GUCY1A2: variants seen among roughly 807,000 people sequenced by gnomAD.
GUCY1A2 encodes the protein guanylate cyclase 1 soluble subunit alpha 2.
GUCY1A2 carries 27 observed loss-of-function variants against 63.5 expected under a neutral mutation model. That is an observed-to-expected ratio of 0.43 (90% CI 0.31 to 0.59). GUCY1A2 has a LOEUF of 0.59. Among genes scored for constraint, GUCY1A2 ranks in the 20% least tolerant of loss-of-function variants. The pLI, the probability that GUCY1A2 is intolerant of heterozygous loss-of-function variation, is 0.11. For synonymous variants in GUCY1A2, 364 were observed against 343.5 expected, an observed-to-expected ratio of 1.06 and a Z score of -0.66; for missense variants, 768 against 913.3, an observed-to-expected ratio of 0.84 and a Z score of 2.05.
intron 4 of GUCY1A2, among the ~76,000 whole-genome samples, chr11:106,864,911 C>G (rs1859570025): frequency 6.6e-6 from 1 of 152,014 alleles, no homozygotes; most frequent in South Asian, 2.1e-4. Context: ...GTTTTGGTAT[C>G]AGGATGATGC....
At chr11:106,871,670 C>A (rs1859679809) in intron 4 of GUCY1A2, among the ~76,000 whole-genome samples, 1 of 152,094 alleles carries the variant, frequency 6.6e-6, no homozygotes, top group African/African-American at 2.4e-5. Flanking sequence ...CAAATAAAGT[C>A]ACATTCACAT....
chr11:106,882,862 T>C (rs1339527512), intron 4 of GUCY1A2, among the ~76,000 whole-genome samples: 1 of 152,050 alleles, frequency 6.6e-6, no homozygotes, highest in Non-Finnish European at 1.5e-5. Flanking sequence ...GATATTAAGA[T>C]TTTATCAGTT....
chr11:106,832,931 G>A (rs1859070333), intron 4 of GUCY1A2, among the ~76,000 whole-genome samples: 1 of 152,024 alleles, frequency 6.6e-6, no homozygotes, highest in Non-Finnish European at 1.5e-5. Context: ...GTCTATATTA[G>A]TTTGCTAGGG....
At chr11:106,784,550 G>A (rs1864523966) in intron 5 of GUCY1A2, among the ~76,000 whole-genome samples, 1 of 152,114 alleles carries the variant, frequency 6.6e-6, no homozygotes, top group South Asian at 2.1e-4. Flanking sequence ...CAAAGAAGCA[G>A]CCTCTACCTC....
At chr11:106,990,360 T>C (rs1376391598) in intron 1 of GUCY1A2, among the ~76,000 whole-genome samples, 1 of 152,240 alleles carries the variant, frequency 6.6e-6, no homozygotes, top group African/African-American at 2.4e-5. Flanking sequence ...GACTAAATGT[T>C]ATGCTCAAGA....
chr11:106,925,894 A>G (rs1860514989), intron 4 of GUCY1A2, among the ~76,000 whole-genome samples: 1 of 152,222 alleles, frequency 6.6e-6, no homozygotes, highest in Non-Finnish European at 1.5e-5. Context: ...AATAAAATAA[A>G]TGTAGAATTT....
chr11:106,950,973 T>G (rs938051839), intron 3 of GUCY1A2, among the ~76,000 whole-genome samples: 1 of 152,170 alleles, frequency 6.6e-6, no homozygotes, highest in African/African-American at 2.4e-5. Context: ...CTCCCACTTA[T>G]GAGTGAGAAC....
intron 4 of GUCY1A2, among the ~76,000 whole-genome samples, chr11:106,853,117 G>T (rs1472885070): frequency 6.6e-6 from 1 of 152,132 alleles, no homozygotes; most frequent in Non-Finnish European, 1.5e-5. Context: ...CACCAGAAAA[G>T]ATCTTTTTAG....
chr11:106,839,274 T>C (rs530256888), intron 4 of GUCY1A2, among the ~76,000 whole-genome samples: 1 of 151,942 alleles, frequency 6.6e-6, no homozygotes, highest in Admixed American at 6.6e-5. Flanking sequence ...TTGTCAAAGA[T>C]CAGATAGTTG....
intron 5 of GUCY1A2, 71 bp from the exon 6 acceptor site, chr11:106,776,653 A>C (rs1864362325): frequency 7.1e-7 from 1 of 1,400,482 alleles, no homozygotes; most frequent in East Asian, 2.3e-5. Flanking sequence ...AGTTATCTGC[A>C]ATCACAAATG....
chr11:106,895,068 G>C (rs1860027843), intron 4 of GUCY1A2, among the ~76,000 whole-genome samples: 1 of 152,048 alleles, frequency 6.6e-6, no homozygotes, highest in African/African-American at 2.4e-5. Context: ...TAAACAAGGA[G>C]ACATCACTAT....
intron 6 of GUCY1A2, among the ~76,000 whole-genome samples, chr11:106,764,868 A>G (rs768991286): frequency 6.7e-6 from 1 of 150,368 alleles, no homozygotes; most frequent in Non-Finnish European, 1.5e-5. Context: ...TAGTTCTGCA[A>G]TTGGCTAGCT....
At chr11:106,869,949 C>T (rs557938648) in intron 4 of GUCY1A2, among the ~76,000 whole-genome samples, 17 of 152,150 alleles carry the variant, frequency 1.1e-4, no homozygotes, top group Non-Finnish European at 2.2e-4. Context: ...AGTTCATGTC[C>T]TTTGTAGGGA....
At chr11:106,736,395 C>T (rs1275437571) in intron 6 of GUCY1A2, among the ~76,000 whole-genome samples, 2 of 152,142 alleles carry the variant, frequency 1.3e-5, no homozygotes, top group African/African-American at 2.4e-5. Flanking sequence ...ACGATCCTTT[C>T]CTCAATGCAT....
chr11:106,923,925 A>C (rs1230258451), intron 4 of GUCY1A2, among the ~76,000 whole-genome samples: 5 of 152,176 alleles, frequency 3.3e-5, no homozygotes, highest in Non-Finnish European at 7.3e-5. Flanking sequence ...ATAAAACTAA[A>C]ATGACAAAGA....
intron 4 of GUCY1A2, among the ~76,000 whole-genome samples, chr11:106,838,153 C>T (rs956713232): frequency 1.3e-5 from 2 of 152,040 alleles, no homozygotes; most frequent in East Asian, 3.9e-4. Context: ...GTAGAAATAA[C>T]CTCACTTGTC....
At chr11:106,778,906 A>G (rs1190329949) in intron 5 of GUCY1A2, among the ~76,000 whole-genome samples, 1 of 150,396 alleles carries the variant, frequency 6.6e-6, no homozygotes, top group Admixed American at 6.7e-5. Flanking sequence ...TAGGAAAAAT[A>G]TGCGTCAGTG....
intron 5 of GUCY1A2, among the ~76,000 whole-genome samples, chr11:106,784,223 C>T (rs934587386): frequency 1.1e-4 from 16 of 152,142 alleles, no homozygotes; most frequent in Non-Finnish European, 2.2e-4. Context: ...CCTCAGTTGT[C>T]ACTTTTTTAG....
intron 7 of GUCY1A2, among the ~76,000 whole-genome samples, chr11:106,693,523 C>T (rs1217164315): frequency 6.6e-6 from 1 of 152,108 alleles, no homozygotes; most frequent in African/African-American, 2.4e-5. Context: ...ACGTAGCAAA[C>T]TATGTCTTTC....
Sources: gnomAD v4.1 joint callset for allele counts (sites outside exome capture counted in the v4.1 genomes callset) on GRCh38, gnomAD v4.1.1 for gene constraint, MANE v1.5 for transcripts, NCBI Gene and HGNC (gene_info 2026-07-23, HGNC 2026-07-21) for gene names.